ASMT: variants seen among roughly 807,000 people sequenced by gnomAD.
ASMT encodes the protein acetylserotonin N-methyltransferase.
In ASMT, 53 loss-of-function variants were observed where a neutral mutation model predicts 41.3. The observed-to-expected ratio is 1.28, with a 90% CI of 1.03 to 1.61. The LOEUF (loss-of-function observed/expected upper bound fraction) is 1.61. Ranked by LOEUF, ASMT falls within the 40% of genes most tolerant of loss-of-function variation. ASMT has a pLI of 0.00. For missense variants in ASMT, 531 were observed against 441.3 expected, an observed-to-expected ratio of 1.20 and a Z score of -1.82; for synonymous variants, 231 against 184.8, an observed-to-expected ratio of 1.25 and a Z score of -2.03.
In ASMT at chrX:1,616,857, C is replaced by T. The variant is rs745910860; in HGVS notation, c.69+1589C>T. On this transcript the variant is annotated intron_variant, in intron 1 of 8. Transcript: ENST00000381241. ...CCGAGTAGCTGGGATTACAGGCACCCGCCACCACGCCCGGCTAATTTTTTG... is the reference window on the plus strand; with the variant it reads ...CCGAGTAGCTGGGATTACAGGCACCTGCCACCACGCCCGGCTAATTTTTTG... 3.4e-4 allele frequency among the ~76,000 whole-genome samples: 52 copies of T among 151,534 alleles called. 1 individual carries two copies. In the East Asian group the frequency reaches 4.5e-3, roughly 13 times the overall value.
intron 1 of ASMT, among the ~76,000 whole-genome samples, chrX:1,619,213 G>A (rs1934246445): frequency 6.6e-6 from 1 of 151,940 alleles, no homozygotes; most frequent in Admixed American, 6.6e-5. Flanking sequence ...GGCCAATATG[G>A]TGAAATCCCA....
chrX:1,630,797 A>G (rs1224297717), intron 5 of ASMT, among the ~76,000 whole-genome samples: 3 of 151,452 alleles, frequency 2.0e-5, no homozygotes, highest in Non-Finnish European at 4.4e-5. Flanking sequence ...GGCTCATGCA[A>G]TCCTGCTGCC....
chrX:1,625,285 TG>T (rs1257685297), intron 3 of ASMT, among the ~76,000 whole-genome samples: 3 of 151,540 alleles, frequency 2.0e-5, no homozygotes, highest in Admixed American at 6.6e-5. Context: ...TTTGTGTTTT[TG>T]GTAGAGACGG....
intron 3 of ASMT, 74 bp downstream of exon 3, chrX:1,624,472 C>G: frequency 7.0e-7 from 1 of 1,420,412 alleles, no homozygotes; most frequent in East Asian, 2.5e-5. Context: ...TGGGGGCTGC[C>G]CCCAGGCAGA....
chrX:1,628,291 A>G (rs113433123), intron 4 of ASMT, among the ~76,000 whole-genome samples: 1 of 152,222 alleles, frequency 6.6e-6, no homozygotes, highest in African/African-American at 2.4e-5. Context: ...ACTGCACTCC[A>G]GCCTGGGCAA....
intron 2 of ASMT, 80 bp from the exon 3 acceptor site, chrX:1,624,189 T>A: frequency 1.3e-6 from 2 of 1,548,414 alleles, no homozygotes; most frequent in Non-Finnish European, 1.8e-6. Flanking sequence ...GAAATCACGA[T>A]GTTGTCGAGC....
chrX:1,622,296 G>C (rs1280195486), intron 1 of ASMT, among the ~76,000 whole-genome samples: 3 of 149,734 alleles, frequency 2.0e-5, no homozygotes, highest in African/African-American at 7.4e-5. Flanking sequence ...CCGGTCCTCT[G>C]TCTCTGTTTT....
At position 1,624,259 on chromosome X, in the gene ASMT, T is replaced by G; in HGVS notation, c.245-10T>G. ...ACTGCTTTTTCCCTGTTTTTTTGTG[T>G]GTGTTTCAGCTTTCTATCGAAACAC... On this transcript the variant is annotated splice_polypyrimidine_tract_variant and intron_variant, in intron 2 of 8. Coordinates refer to ENST00000381241, the MANE Select transcript of ASMT (RefSeq NM_001171038.2). 6.2e-7 allele frequency: 1 copy of G among 1,613,930 alleles called. No individual in the cohort carries two copies.
chrX:1,632,895 A>G, intron 6 of ASMT, 108 bp downstream of exon 6: 1 of 585,650 alleles, frequency 1.7e-6, no homozygotes, highest in South Asian at 2.0e-5. Context: ...GAGCACTAGG[A>G]CAAATACCTA....
intron 7 of ASMT, among the ~76,000 whole-genome samples, chrX:1,635,123 C>T (rs1343097163): frequency 2.7e-5 from 4 of 148,532 alleles, no homozygotes; most frequent in East Asian, 4.0e-4. Flanking sequence ...TACAGGCGCC[C>T]ACCACCACGC....
At chrX:1,625,312 G>T (rs80127310) in intron 3 of ASMT, among the ~76,000 whole-genome samples, 20,085 of 150,746 alleles carry the variant, frequency 0.13, 1,309 homozygotes, top group Admixed American at 0.23. Context: ...CACCATGTTA[G>T]CCAGGATGGT....
At chrX:1,626,850 A>G (rs1236417099) in intron 3 of ASMT, among the ~76,000 whole-genome samples, 1 of 149,054 alleles carries the variant, frequency 6.7e-6, no homozygotes, top group Non-Finnish European at 1.5e-5. Context: ...CAACATAGTG[A>G]AACCCCATCT....
At chrX:1,635,313 C>T (rs1934921291) in intron 7 of ASMT, among the ~76,000 whole-genome samples, 1 of 151,972 alleles carries the variant, frequency 6.6e-6, no homozygotes, top group South Asian at 2.1e-4. Context: ...ACAGAGCTCA[C>T]CAAGATCTCT....
intron 1 of ASMT, among the ~76,000 whole-genome samples, chrX:1,615,516 C>T (rs1404794192): frequency 6.6e-6 from 1 of 151,996 alleles, no homozygotes; most frequent in Admixed American, 6.6e-5. Flanking sequence ...TATGTAAGTA[C>T]ATTGGGCCAG....
intron 1 of ASMT, among the ~76,000 whole-genome samples, chrX:1,620,857 C>T (rs1342649918): frequency 3.3e-5 from 5 of 151,656 alleles, no homozygotes; most frequent in African/African-American, 4.8e-5. Context: ...CCACTGCACT[C>T]CAGCCTGGCG....
chrX:1,634,659 C>G (rs1253706599), intron 7 of ASMT, among the ~76,000 whole-genome samples: 2 of 149,874 alleles, frequency 1.3e-5, no homozygotes, highest in Admixed American at 1.3e-4. Context: ...GTTAACCCCC[C>G]CCCTTTTTTT....
intron 8 of ASMT, among the ~76,000 whole-genome samples, chrX:1,641,747 G>C (rs1441355312): frequency 2.0e-5 from 3 of 149,268 alleles, no homozygotes; most frequent in African/African-American, 5.0e-5. Context: ...GGTGGTCCAT[G>C]AGTACATGGA....
intron 7 of ASMT, among the ~76,000 whole-genome samples, chrX:1,634,956 G>A (rs368871443): frequency 6.7e-6 from 1 of 148,674 alleles, no homozygotes; most frequent in African/African-American, 2.5e-5. Context: ...GTGAGCCACC[G>A]CGCCTGGCCT....
At chrX:1,629,030 C>G (rs1934669815) in intron 4 of ASMT, among the ~76,000 whole-genome samples, 1 of 150,466 alleles carries the variant, frequency 6.6e-6, no homozygotes, top group Non-Finnish European at 1.5e-5. Flanking sequence ...TTCCTTCCCT[C>G]CCTCCCTCCT....
Sources: allele counts gnomAD v4.1 joint callset (sites outside exome capture counted in the v4.1 genomes callset), GRCh38; gene constraint gnomAD v4.1.1; transcripts MANE v1.5; gene names NCBI Gene and HGNC (gene_info 2026-07-23, HGNC 2026-07-21).